The following GTF2A1 variants were observed in gnomAD, a reference collection of about 807,000 sequenced individuals.
The protein encoded by GTF2A1 is transcription initiation factor IIA subunit 1.
GTF2A1 carries 12 observed loss-of-function variants against 54.1 expected under a neutral mutation model. The ratio of observed to expected loss-of-function variants is 0.22; its 90% confidence interval spans 0.14 to 0.36. The LOEUF (loss-of-function observed/expected upper bound fraction) is 0.36, where lower values mean the gene tolerates loss of function less well. Ranked by LOEUF, GTF2A1 falls within the 10% of genes least tolerant of loss-of-function variation. The pLI, the probability that GTF2A1 is intolerant of heterozygous loss-of-function variation, is 1.00. For missense variants in GTF2A1, 335 were observed against 442.2 expected (o/e 0.76, Z 2.17); for synonymous variants, 145 against 152.0 (o/e 0.95, Z 0.34).
In GTF2A1 at chr14:81,220,655, A is replaced by T; in HGVS notation, c.-137T>A. ...TGGGGAAAAAATTTTAAACAAAATC[A>T]ATCCTGAAGGAGTAGGGGAGAGCGG... On this transcript the variant is annotated 5_prime_UTR_variant, in exon 1 of 9. Transcript: ENST00000553612. 1 of 581,958 alleles carries T rather than the reference A, an allele frequency of 1.7e-6. No individual in the cohort carries two copies. The highest frequency in any genetic ancestry group is 2.9e-6 in the Non-Finnish European group (1 of 343,748). The allele number at this position is 581,958 out of a possible 1,614,324, so 36.0% of individuals were successfully genotyped here. A position where few individuals can be genotyped will look rare whatever the true frequency, so the allele number is the denominator to read the frequency against.
chr14:81,189,182 A>ATC (rs1892816816), intron 7 of GTF2A1, among the ~76,000 whole-genome samples: 1 of 152,250 alleles, frequency 6.6e-6, no homozygotes, highest in Non-Finnish European at 1.5e-5. Context: ...ATGGTTAAAA[A>ATC]AAATTTACTA....
chr14:81,202,631 G>A (rs775068420), intron 3 of GTF2A1: 43 of 512,168 alleles, frequency 8.4e-5, no homozygotes, highest in South Asian at 3.3e-4. Flanking sequence ...GTGGTAAACC[G>A]GCAAAAGTCG....
intron 3 of GTF2A1, among the ~76,000 whole-genome samples, chr14:81,203,383 A>G (rs1222257539): frequency 1.3e-5 from 2 of 152,234 alleles, no homozygotes; most frequent in African/African-American, 4.8e-5. Flanking sequence ...AGGCTTACAT[A>G]AATTCCTATG....
At position 81,220,611 on chromosome 14, in the gene GTF2A1, A is replaced by G; in HGVS notation, c.-93T>C. 1 of 1,004,110 alleles carries G rather than the reference A, an allele frequency of 1.0e-6. No individual in the cohort carries two copies. Among genetic ancestry groups the G allele is most frequent in the Admixed American group, 2.7e-5 (1 of 36,822 alleles). 62.2% of individuals were successfully genotyped at this position (1,004,110 alleles called of 1,614,324 possible). On this transcript the variant is annotated 5_prime_UTR_variant, in exon 1 of 9. Coordinates refer to ENST00000553612, the MANE Select transcript of GTF2A1 (RefSeq NM_015859.4). ...AAAAAACTATAACACCCGGAGGGTGACCCAAATCACCGCAAGATTGGGGAA... is the reference window on the plus strand; with the variant it reads ...AAAAAACTATAACACCCGGAGGGTGGCCCAAATCACCGCAAGATTGGGGAA...
chr14:81,204,561 T>G (rs1338336731), intron 2 of GTF2A1, among the ~76,000 whole-genome samples: 1 of 152,100 alleles, frequency 6.6e-6, no homozygotes, highest in East Asian at 1.9e-4. Context: ...AAACATAAAT[T>G]CATTTACAAC....
chr14:81,185,038 T>C (rs76544453), intron 8 of GTF2A1, among the ~76,000 whole-genome samples: 4,033 of 152,302 alleles, frequency 0.026, 62 homozygotes, highest in Middle Eastern at 0.061. Context: ...GTTAGCAAAC[T>C]ACAGCAAAGT....
chr14:81,210,482 T>C lies in GTF2A1; in HGVS notation c.132+5931A>G, dbSNP rs143308010. 5.8e-3 allele frequency among the ~76,000 whole-genome samples: 877 copies of C among 152,168 alleles called. 9 individuals are homozygous for C. The highest frequency in any genetic ancestry group is 0.02 in the African/African-American group (827 of 41,512). On this transcript the variant is annotated intron_variant, in intron 2 of 8. Transcript: ENST00000553612. ...GAGTTCAACACCAGCCTGACCAACA[T>C]GATGAAAATAAAATAAATAAAATAA...
intron 3 of GTF2A1, 54 bp from the exon 4 acceptor site, chr14:81,201,712 T>C (rs1384637828): frequency 1.7e-6 from 2 of 1,167,918 alleles, no homozygotes; most frequent in Non-Finnish European, 2.6e-6. Flanking sequence ...TATTTTATAA[T>C]CACAAGAACA....
At chr14:81,219,979 C>T (rs1168392534) in intron 1 of GTF2A1, among the ~76,000 whole-genome samples, 1 of 151,652 alleles carries the variant, frequency 6.6e-6, no homozygotes, top group Non-Finnish European at 1.5e-5. Context: ...AGCACAGCCG[C>T]CAAAAACAAC....
At chr14:81,194,040 A>C (rs1230002614) in intron 6 of GTF2A1, among the ~76,000 whole-genome samples, 1 of 152,198 alleles carries the variant, frequency 6.6e-6, no homozygotes, top group Non-Finnish European at 1.5e-5. Context: ...AATATTACTT[A>C]TATTATTAGT....
intron 2 of GTF2A1, among the ~76,000 whole-genome samples, chr14:81,214,515 G>A (rs1183842144): frequency 2.0e-5 from 3 of 151,816 alleles, no homozygotes; most frequent in African/African-American, 2.4e-5. Context: ...GCGTCGTGGC[G>A]GGCGCCTGTA....
intron 7 of GTF2A1, among the ~76,000 whole-genome samples, chr14:81,191,702 T>C (rs1274582383): frequency 6.6e-6 from 1 of 152,082 alleles, no homozygotes; most frequent in Non-Finnish European, 1.5e-5. Flanking sequence ...AATGATGGGA[T>C]TAGGGAGAGG....
intron 8 of GTF2A1, among the ~76,000 whole-genome samples, chr14:81,182,662 T>C (rs1208082418): frequency 1.1e-4 from 17 of 152,344 alleles, no homozygotes; most frequent in African/African-American, 3.6e-4. Flanking sequence ...TATTATGCTC[T>C]CTACAAAGAA....
At chr14:81,209,674 T>G (rs537234064) in intron 2 of GTF2A1, among the ~76,000 whole-genome samples, 1 of 152,342 alleles carries the variant, frequency 6.6e-6, no homozygotes, top group South Asian at 2.1e-4. Flanking sequence ...TAACTTGTAC[T>G]CTATTTTCTC....
intron 2 of GTF2A1, 79 bp from the exon 3 acceptor site, chr14:81,204,183 T>C (rs1893179233): frequency 2.1e-6 from 2 of 937,050 alleles, no homozygotes; most frequent in Non-Finnish European, 3.5e-6. Context: ...TTAATCTCTT[T>C]ATAAAGTTAT....
At chr14:81,211,981 TAGA>T (rs1893382247) in intron 2 of GTF2A1, among the ~76,000 whole-genome samples, 1 of 150,106 alleles carries the variant, frequency 6.7e-6, no homozygotes, top group Non-Finnish European at 1.5e-5. Flanking sequence ...TGGCAATGTC[TAGA>T]GACATTTTTG....
intron 2 of GTF2A1, among the ~76,000 whole-genome samples, chr14:81,207,784 C>G (rs1266052698): frequency 1.3e-5 from 2 of 152,180 alleles, no homozygotes; most frequent in African/African-American, 4.8e-5. Context: ...CAAAGGTGAC[C>G]CTTGTTATGT....
At chr14:81,200,885 C>CAAAAAA (rs36025974) in intron 4 of GTF2A1, among the ~76,000 whole-genome samples, 2 of 111,100 alleles carry the variant, frequency 1.8e-5, no homozygotes, top group Non-Finnish European at 3.5e-5. Context: ...ATGTTTTATC[C>CAAAAAA]AAAAAAAAAA....
chr14:81,189,443 G>A (rs1409246983), intron 7 of GTF2A1, among the ~76,000 whole-genome samples: 2 of 152,110 alleles, frequency 1.3e-5, no homozygotes, highest in Admixed American at 6.6e-5. Flanking sequence ...AGGCCAAGGT[G>A]GGCGGATCAC....
Sources: gnomAD v4.1 joint callset for allele counts (sites outside exome capture counted in the v4.1 genomes callset) on GRCh38, gnomAD v4.1.1 for gene constraint, MANE v1.5 for transcripts, NCBI Gene and HGNC (gene_info 2026-07-23, HGNC 2026-07-21) for gene names.